The following AEBP2 variants were observed in gnomAD, a reference collection of about 807,000 sequenced individuals.
AEBP2 encodes the protein zinc finger protein AEBP2.
In AEBP2, 10 loss-of-function variants were observed where a neutral mutation model predicts 50.8. That is an observed-to-expected ratio of 0.20 (90% CI 0.12 to 0.33). The LOEUF is 0.33. Ranked by LOEUF, AEBP2 falls within the 10% of genes least tolerant of loss-of-function variation. The pLI is 1.00. For synonymous variants in AEBP2, 296 were observed against 261.3 expected (o/e 1.13, Z -1.28); for missense variants, 570 against 688.0 (o/e 0.83, Z 1.92).
At chr12:19,409,452 CAT>C (rs1319345577) in intron 1 of AEBP2, among the ~76,000 whole-genome samples, 1 of 152,080 alleles carries the variant, frequency 6.6e-6, no homozygotes, top group Non-Finnish European at 1.5e-5. Context: ...ACCTCAGAAT[CAT>C]ATTTTTTTAA....
At chr12:19,416,676 T>C (rs2153363936) in intron 1 of AEBP2, among the ~76,000 whole-genome samples, 1 of 149,726 alleles carries the variant, frequency 6.7e-6, no homozygotes, top group East Asian at 2.0e-4. Context: ...TGGGCTGGAG[T>C]GCAGTGGCGT....
intron 1 of AEBP2, among the ~76,000 whole-genome samples, chr12:19,449,132 A>T (rs571550278): frequency 1.3e-5 from 2 of 152,332 alleles, no homozygotes; most frequent in African/African-American, 4.8e-5. Flanking sequence ...CTTGTCAGAA[A>T]TGCATACTGA....
At chr12:19,448,313 C>T (rs1948108390) in intron 1 of AEBP2, among the ~76,000 whole-genome samples, 1 of 152,118 alleles carries the variant, frequency 6.6e-6, no homozygotes, top group Admixed American at 6.6e-5. Context: ...TCAGGCCGGA[C>T]ATGGTGGCTC....
intron 1 of AEBP2, among the ~76,000 whole-genome samples, chr12:19,453,975 CTT>C (rs1948215132): frequency 6.6e-6 from 1 of 151,944 alleles, no homozygotes; most frequent in South Asian, 2.1e-4. Flanking sequence ...CAGTTTATGT[CTT>C]TATTCTGTTT....
At chr12:19,441,649 A>G (rs1368939746) in intron 1 of AEBP2, among the ~76,000 whole-genome samples, 1 of 152,240 alleles carries the variant, frequency 6.6e-6, no homozygotes, top group Non-Finnish European at 1.5e-5. Flanking sequence ...TCTGTTTGAC[A>G]TTAACGTCTA....
At chr12:19,479,252 G>C (rs1218292990) in intron 3 of AEBP2, among the ~76,000 whole-genome samples, 1 of 152,120 alleles carries the variant, frequency 6.6e-6, no homozygotes, top group East Asian at 1.9e-4. Flanking sequence ...TACTTGTTAA[G>C]TTAATTTGTT....
At chr12:19,462,353 T>C (rs1948394582) in intron 1 of AEBP2, among the ~76,000 whole-genome samples, 157 bp from the exon 2 acceptor site, 1 of 152,208 alleles carries the variant, frequency 6.6e-6, no homozygotes, top group Non-Finnish European at 1.5e-5. Context: ...AACTAATTAA[T>C]TTAAAAGCAT....
intron 3 of AEBP2, among the ~76,000 whole-genome samples, chr12:19,488,463 G>T (rs1298624876): frequency 6.6e-6 from 1 of 151,974 alleles, no homozygotes; most frequent in African/African-American, 2.4e-5. Flanking sequence ...GTCAGTGGCA[G>T]ATTCTGAATT....
At position 19,514,696 on chromosome 12, in the gene AEBP2, A is replaced by G. The variant is rs765956422; in HGVS notation, c.1393A>G (p.Ser465Gly). The G allele has an allele frequency of 1.2e-6, 2 of 1,609,698 alleles. No individual in the cohort carries two copies. Among genetic ancestry groups the G allele is most frequent in the Non-Finnish European group, 1.7e-6 (2 of 1,178,062 alleles). ...DILPDVWVNE[S>G]ERHQLKTKVV... Reference sequence around the variant, plus strand: ...TCTGCCTGATGTGTGGGTGAATGAAAGTGAACGACATCAGTTAAAAACTAA... The same window carrying G: ...TCTGCCTGATGTGTGGGTGAATGAAGGTGAACGACATCAGTTAAAAACTAA... The change falls in exon 7 of 8, where the codon AGT becomes GGT. Residue 465 changes from serine (S) to glycine (G), a missense_variant. Ser to Gly is a moderately conservative substitution (Grantham distance 56). Coordinates refer to ENST00000266508, the MANE Select transcript of AEBP2 (RefSeq NM_153207.5).
rs1949363980 is a variant in AEBP2 at position 19,519,157 on chromosome 12, G to T, written c.*1040G>T. On this transcript the variant is annotated 3_prime_UTR_variant, in exon 8 of 8. Coordinates refer to ENST00000266508, the MANE Select transcript of AEBP2 (RefSeq NM_153207.5). Reference sequence around the variant, plus strand: ...AAATGGAAATATGTGTAACTTGTTAGTATTGTATTAAACAAATGTTGCATA... The same window carrying T: ...AAATGGAAATATGTGTAACTTGTTATTATTGTATTAAACAAATGTTGCATA... 1 of 152,534 alleles carries T rather than the reference G, an allele frequency of 6.6e-6. No homozygotes were observed. Among genetic ancestry groups the T allele is most frequent in the Non-Finnish European group, 1.5e-5 (1 of 68,072 alleles). 9.4% of individuals were successfully genotyped at this position (152,534 alleles called of 1,614,324 possible).
chr12:19,430,595 C>T (rs896840840), intron 1 of AEBP2, among the ~76,000 whole-genome samples: 1 of 152,084 alleles, frequency 6.6e-6, no homozygotes, highest in Non-Finnish European at 1.5e-5. Flanking sequence ...GATATTGATT[C>T]TTCCTACCCA....
chr12:19,489,780 C>T (rs1304216383), intron 3 of AEBP2, among the ~76,000 whole-genome samples: 1 of 151,738 alleles, frequency 6.6e-6, no homozygotes, highest in Non-Finnish European at 1.5e-5. Context: ...TTTCCTTTAG[C>T]AGAGAAGAGT....
At chr12:19,479,717 G>GTTTTTTTTTTTTTTTTTTTTTTTTTT (rs369410408) in intron 3 of AEBP2, among the ~76,000 whole-genome samples, 4 of 22,350 alleles carry the variant, frequency 1.8e-4, no homozygotes, top group Admixed American at 5.9e-4. Flanking sequence ...CTCTTTGTGG[G>GTTTTTTTTTTTTTTTTTTTTTTTTTT]TTTTTTTTTT....
chr12:19,426,560 T>C (rs774968765), intron 1 of AEBP2, among the ~76,000 whole-genome samples: 6 of 152,156 alleles, frequency 3.9e-5, no homozygotes, highest in Non-Finnish European at 7.3e-5. Flanking sequence ...TGATGGTTAA[T>C]TTTATGTGTC....
chr12:19,439,947 C>A lies in AEBP2; in HGVS notation c.248C>A (p.Ser83Ter). Residue 83 changes from serine to a stop codon, truncating the protein, a stop_gained, in exon 1 of 8, where the codon TCG (serine) becomes TAG (stop). Coordinates refer to ENST00000266508, the MANE Select transcript of AEBP2 (RefSeq NM_153207.5). LOFTEE classifies it high-confidence loss of function. ...GGGGGCGGCGAGGCAGAGACGATGT[C>A]GGAGCCGAGCCCCGAGAGCGCCAGC... The part of the protein sequence containing the change: ...GVGGGEAETM[S>*]EPSPESASQA... The A allele has an allele frequency of 6.6e-7, 1 of 1,513,628 alleles. No homozygotes were observed. The allele number at this position is 1,513,628 out of a possible 1,614,324, so 93.8% of individuals were successfully genotyped here.
intron 1 of AEBP2, among the ~76,000 whole-genome samples, chr12:19,461,351 C>T (rs1948374716): frequency 6.6e-6 from 1 of 152,070 alleles, no homozygotes. Flanking sequence ...AAGTGTGATA[C>T]ATTTTATTAA....
chr12:19,512,464 A>T lies in AEBP2; in HGVS notation c.1366A>T (p.Ile456Phe). The T allele has an allele frequency of 6.4e-7, 1 of 1,558,150 alleles. No individual in the cohort carries two copies. Reference sequence around the variant, plus strand: ...TTTGCTTCATTGGATGCCTGAAGACATGTAAGTATTTGAAATATTATGCCT... The same window carrying T: ...TTTGCTTCATTGGATGCCTGAAGACTTGTAAGTATTTGAAATATTATGCCT... ...KLLLHWMPED[I>F]LPDVWVNESE... Residue 456 changes from isoleucine to phenylalanine, a missense_variant and splice_region_variant, in exon 6 of 8, where the codon ATT (isoleucine) becomes TTT (phenylalanine). Ile to Phe is a conservative substitution (Grantham distance 21, BLOSUM62 0). Around this residue, in one of 2 missense-constraint regions of AEBP2, gnomAD observed 184 missense variants for 351.2 expected, o/e 0.52. Transcript: ENST00000266508.
At chr12:19,413,050 G>A (rs1009027651) in intron 1 of AEBP2, 14 of 489,326 alleles carry the variant, frequency 2.9e-5, no homozygotes, top group Middle Eastern at 6.0e-4. Context: ...TCGTCCTGGC[G>A]GGCCTGGATC....
chr12:19,436,029 G>C (rs1456742478), upstream of AEBP2, among the ~76,000 whole-genome samples: 4 of 152,194 alleles, frequency 2.6e-5, no homozygotes, highest in African/African-American at 9.7e-5. Flanking sequence ...GGCATTCTAA[G>C]TTAGGATAAG....
Sources: allele counts gnomAD v4.1 joint callset (sites outside exome capture counted in the v4.1 genomes callset), GRCh38; gene constraint gnomAD v4.1.1; regional missense constraint gnomAD v4.1.1; transcripts MANE v1.5; gene names NCBI Gene and HGNC (gene_info 2026-07-23, HGNC 2026-07-21).